The following XKR6 variants were observed in gnomAD, a reference collection of about 807,000 sequenced individuals.
XKR6 encodes XK-related protein 6.
Under a neutral mutation model 56.7 loss-of-function variants are expected in XKR6, and 22 were observed. That is an observed-to-expected ratio of 0.39 (90% CI 0.28 to 0.55). The LOEUF (loss-of-function observed/expected upper bound fraction) is 0.55. Among genes scored for constraint, XKR6 ranks in the 20% least tolerant of loss-of-function variants. The pLI is 0.66. For missense variants in XKR6, 852 were observed against 889.0 expected (o/e 0.96, Z 0.53); for synonymous variants, 524 against 387.8 (o/e 1.35, Z -4.13).
At chr8:10,922,965 C>T (rs1045814062) in intron 2 of XKR6, among the ~76,000 whole-genome samples, 7 of 152,228 alleles carry the variant, frequency 4.6e-5, no homozygotes, top group African/African-American at 1.7e-4. Flanking sequence ...ATCCTGTAGG[C>T]ACCAGCTGGG....
intron 1 of XKR6, among the ~76,000 whole-genome samples, chr8:11,034,245 G>C (rs1281540788): frequency 3.3e-5 from 5 of 152,312 alleles, no homozygotes; most frequent in Middle Eastern, 3.4e-3. Context: ...GAAATGAGAG[G>C]CTGGAGGATC....
At chr8:10,964,568 G>A (rs1802160486) in intron 1 of XKR6, among the ~76,000 whole-genome samples, 1 of 152,144 alleles carries the variant, frequency 6.6e-6, no homozygotes, top group South Asian at 2.1e-4. Flanking sequence ...AACCTTAATG[G>A]GGCATTTGGA....
chr8:11,077,113 G>A (rs1800294233), intron 1 of XKR6, among the ~76,000 whole-genome samples: 1 of 152,124 alleles, frequency 6.6e-6, no homozygotes, highest in Non-Finnish European at 1.5e-5. Context: ...GGAGTTTGAG[G>A]CTACAGTGAG....
intron 1 of XKR6, among the ~76,000 whole-genome samples, chr8:11,045,113 G>A (rs74681661): frequency 0.022 from 2,103 of 97,358 alleles, 65 homozygotes; most frequent in Middle Eastern, 0.14. Context: ...TTTTGAGGAA[G>A]TGTCGCTCTG....
intron 1 of XKR6, among the ~76,000 whole-genome samples, chr8:10,959,584 T>C (rs1269750083): frequency 6.6e-6 from 1 of 152,116 alleles, no homozygotes; most frequent in African/African-American, 2.4e-5. Context: ...GGGAACAAGC[T>C]TGCTGGTGTC....
intron 1 of XKR6, among the ~76,000 whole-genome samples, chr8:11,184,860 T>C (rs888417959): frequency 3.3e-5 from 5 of 152,164 alleles, no homozygotes; most frequent in African/African-American, 1.2e-4. Flanking sequence ...ATCATCTGAA[T>C]CCATCCCCAG....
At chr8:10,998,343 G>A (rs1798162611) in intron 1 of XKR6, among the ~76,000 whole-genome samples, 2 of 152,102 alleles carry the variant, frequency 1.3e-5, no homozygotes, top group Non-Finnish European at 2.9e-5. Context: ...AACACCAGCT[G>A]TCACATCTGC....
intron 1 of XKR6, among the ~76,000 whole-genome samples, chr8:11,148,723 A>C (rs1801118548): frequency 6.6e-6 from 1 of 152,218 alleles, no homozygotes; most frequent in Admixed American, 6.5e-5. Context: ...AGACTTGTAC[A>C]CAAATGTTCA....
chr8:11,126,543 T>C (rs1175904534), intron 1 of XKR6, among the ~76,000 whole-genome samples: 1 of 152,132 alleles, frequency 6.6e-6, no homozygotes, highest in East Asian at 1.9e-4. Context: ...CGCTCCTTCA[T>C]ATTACTTCTC....
chr8:11,041,363 C>A (rs917000395), intron 1 of XKR6, among the ~76,000 whole-genome samples: 1 of 152,100 alleles, frequency 6.6e-6, no homozygotes, highest in Non-Finnish European at 1.5e-5. Flanking sequence ...TGAGATCAGT[C>A]TGGCCAACAT....
chr8:10,908,327 A>G (rs1800241699), intron 2 of XKR6, among the ~76,000 whole-genome samples: 1 of 152,054 alleles, frequency 6.6e-6, no homozygotes, highest in Non-Finnish European at 1.5e-5. Flanking sequence ...AAGTCACCCC[A>G]GGTAAAAGCT....
chr8:11,119,097 G>A (rs997240716), intron 1 of XKR6, among the ~76,000 whole-genome samples: 1 of 152,066 alleles, frequency 6.6e-6, no homozygotes, highest in African/African-American at 2.4e-5. Flanking sequence ...AGGTTGTTCA[G>A]TTTCCATGTA....
At chr8:11,130,319 GT>G (rs1368225252) in intron 1 of XKR6, among the ~76,000 whole-genome samples, 2 of 152,062 alleles carry the variant, frequency 1.3e-5, no homozygotes, top group African/African-American at 4.8e-5. Context: ...CAAGATCTAA[GT>G]TCGGGATTTT....
intron 1 of XKR6, among the ~76,000 whole-genome samples, chr8:10,959,382 C>G (rs1009435219): frequency 3.9e-5 from 6 of 152,080 alleles, no homozygotes; most frequent in African/African-American, 1.2e-4. Context: ...TGGTTTTGGC[C>G]AGTATCTTAA....
At chr8:11,195,858 T>C (rs1803858173) in intron 1 of XKR6, among the ~76,000 whole-genome samples, 1 of 151,768 alleles carries the variant, frequency 6.6e-6, no homozygotes, top group Admixed American at 6.6e-5. Flanking sequence ...TTCACCATGT[T>C]AGCCAGGATG....
At chr8:10,926,958 G>C (rs1362040702) in intron 1 of XKR6, among the ~76,000 whole-genome samples, 1 of 152,214 alleles carries the variant, frequency 6.6e-6, no homozygotes, top group Non-Finnish European at 1.5e-5. Flanking sequence ...GATAGACAGT[G>C]AGACAGACAC....
chr8:11,158,895 C>G (rs1801656440), intron 1 of XKR6, among the ~76,000 whole-genome samples: 1 of 152,136 alleles, frequency 6.6e-6, no homozygotes, highest in African/African-American at 2.4e-5. Context: ...GCATACAAGC[C>G]AAGAACATAA....
chr8:10,927,551 T>A (rs1800927807), intron 1 of XKR6, among the ~76,000 whole-genome samples: 1 of 151,966 alleles, frequency 6.6e-6, no homozygotes, highest in Admixed American at 6.6e-5. Flanking sequence ...TCCATCTGGG[T>A]CCCAGGTCAG....
intron 1 of XKR6, among the ~76,000 whole-genome samples, chr8:11,053,664 C>G (rs918752397): frequency 6.6e-6 from 1 of 152,230 alleles, no homozygotes; most frequent in Non-Finnish European, 1.5e-5. Flanking sequence ...CTGGAACCAG[C>G]TTTCATTGAT....
Sources: gnomAD v4.1 joint callset for allele counts (sites outside exome capture counted in the v4.1 genomes callset) on GRCh38, gnomAD v4.1.1 for gene constraint, MANE v1.5 for transcripts, NCBI Gene and HGNC (gene_info 2026-07-23, HGNC 2026-07-21) for gene names.